The following KLHL32 variants were observed in gnomAD, a reference collection of about 807,000 sequenced individuals.
KLHL32 encodes kelch like family member 32.
Under a neutral mutation model 64.8 loss-of-function variants are expected in KLHL32, and 35 were observed. The ratio of observed to expected loss-of-function variants is 0.54; its 90% CI spans 0.41 to 0.72. The LOEUF is 0.72. KLHL32 is among the 30% of genes least tolerant of loss of function. The probability of loss-of-function intolerance (pLI) is 0.00; values close to 1 mark genes in which losing one functional copy is unlikely to be tolerated. For missense variants in KLHL32, 589 were observed against 768.5 expected (o/e 0.77, Z 2.76); for synonymous variants, 259 against 281.0 (o/e 0.92, Z 0.78).
At chr6:96,926,270 C>T (rs1160380334) in intron 1 of KLHL32, among the ~76,000 whole-genome samples, 1 of 152,142 alleles carries the variant, frequency 6.6e-6, no homozygotes, top group East Asian at 1.9e-4. Flanking sequence ...TCAAATTCTT[C>T]TAATTTAGAT....
rs1799577466 is a variant in KLHL32 at position 97,132,758 on chromosome 6, G to GA, written c.1701+13dup. 3.8e-6 allele frequency: 6 copies of GA among 1,585,360 alleles called. No individual in the cohort carries two copies. In the South Asian group the frequency reaches 6.9e-5, roughly 18 times the overall value. On this transcript the variant is annotated intron_variant, in intron 10 of 10. Coordinates refer to ENST00000369261, the MANE Select transcript of KLHL32 (RefSeq NM_052904.4). ...CTGGCTTGTATCCAGGTGAGTGGTA[G>GA]AAGTTCCTTTTGAAGTTTGTTCAAG...
At chr6:96,929,781 G>A (rs900001175) in intron 1 of KLHL32, among the ~76,000 whole-genome samples, 11 of 151,978 alleles carry the variant, frequency 7.2e-5, no homozygotes, top group Non-Finnish European at 1.6e-4. Context: ...ATTTTTAAAC[G>A]AACTATGTAG....
the KLHL32 span, among the ~76,000 whole-genome samples, chr6:96,904,339 C>CAAAAAAAAAAAAAAAAAAAAAAA: frequency 2.8e-5 from 3 of 106,072 alleles, no homozygotes; most frequent in South Asian, 3.2e-4. Flanking sequence ...AAGACTTTGT[C>CAAAAAAAAAAAAAAAAAAAAAAA]AAAAAAAAAA....
In KLHL32 at chr6:97,139,383, G is replaced by A; in HGVS notation, c.*101G>A. 9.5e-7 allele frequency: 1 copy of A among 1,048,096 alleles called. No homozygotes were observed. Among genetic ancestry groups the A allele is most frequent in the Non-Finnish European group, 1.4e-6 (1 of 724,950 alleles). The allele number at this position is 1,048,096 out of a possible 1,614,324, so 64.9% of individuals were successfully genotyped here. ...CCATGCTTCCTTGTCTTGCTTTATA[G>A]GTCTTATATTCGGATAAATTTAAGC... is the stretch of plus-strand genomic sequence containing the variant. On this transcript the variant is annotated 3_prime_UTR_variant, in exon 11 of 11. Coordinates refer to ENST00000369261, the MANE Select transcript of KLHL32 (RefSeq NM_052904.4).
intron 1 of KLHL32, among the ~76,000 whole-genome samples, chr6:96,955,086 T>C (rs1773099787): frequency 6.6e-6 from 1 of 152,190 alleles, no homozygotes; most frequent in Non-Finnish European, 1.5e-5. Context: ...TCTCTTCTTA[T>C]AATAGCATTG....
chr6:97,110,240 G>A (rs1796940258), intron 6 of KLHL32, among the ~76,000 whole-genome samples: 1 of 152,038 alleles, frequency 6.6e-6, no homozygotes, highest in African/African-American at 2.4e-5. Context: ...TTGTCAGGTT[G>A]GTATCTTATT....
intron 6 of KLHL32, among the ~76,000 whole-genome samples, chr6:97,087,887 C>T (rs1356305839): frequency 6.6e-6 from 1 of 152,194 alleles, no homozygotes; most frequent in Non-Finnish European, 1.5e-5. Context: ...CTGTTCCTTA[C>T]CCAAGCCCTT....
At chr6:96,907,153 A>C in the KLHL32 span, among the ~76,000 whole-genome samples, 1 of 152,240 alleles carries the variant, frequency 6.6e-6, no homozygotes, top group Non-Finnish European at 1.5e-5. Flanking sequence ...ATCTAATGGT[A>C]GTCTTCTAAA....
In KLHL32 at chr6:96,976,243, T is replaced by A. The variant is rs570231793; in HGVS notation, c.204+66T>A. On this transcript the variant is annotated intron_variant, in intron 3 of 10. Coordinates refer to ENST00000369261, the MANE Select transcript of KLHL32 (RefSeq NM_052904.4). Reference sequence around the variant, plus strand: ...GAGAGGATGACAATGTTTCCCAAACTGTCACTAAACCAGGAGCCAATTAGG... The same window carrying A: ...GAGAGGATGACAATGTTTCCCAAACAGTCACTAAACCAGGAGCCAATTAGG... The A allele has an allele frequency of 4.9e-6, 7 of 1,422,498 alleles. No individual in the cohort carries two copies. In the South Asian group the frequency reaches 9.8e-5, roughly 20 times the overall value. 88.1% of individuals were successfully genotyped at this position (1,422,498 alleles called of 1,614,324 possible).
At chr6:97,103,550 T>A (rs944866181) in intron 6 of KLHL32, among the ~76,000 whole-genome samples, 4 of 152,204 alleles carry the variant, frequency 2.6e-5, no homozygotes, top group African/African-American at 9.6e-5. Context: ...CTTGAAGCAG[T>A]CACCTTAATA....
intron 6 of KLHL32, among the ~76,000 whole-genome samples, chr6:97,104,631 C>A (rs1173002814): frequency 6.6e-6 from 1 of 152,072 alleles, no homozygotes; most frequent in Non-Finnish European, 1.5e-5. Context: ...AAAAAATAGC[C>A]TATGTGTCTT....
chr6:97,088,075 T>G (rs1793692395), intron 6 of KLHL32, among the ~76,000 whole-genome samples: 1 of 152,204 alleles, frequency 6.6e-6, no homozygotes, highest in Admixed American at 6.5e-5. Flanking sequence ...AGACAAATTT[T>G]CATCCCTTCC....
chr6:96,930,427 A>G, intron 1 of KLHL32, among the ~76,000 whole-genome samples: 1 of 152,124 alleles, frequency 6.6e-6, no homozygotes, highest in East Asian at 1.9e-4. Flanking sequence ...CATTTTCCTC[A>G]TCTGTAAAAT....
intron 3 of KLHL32, among the ~76,000 whole-genome samples, chr6:96,988,744 C>T (rs997520990): frequency 1.3e-5 from 2 of 152,164 alleles, no homozygotes; most frequent in African/African-American, 4.8e-5. Flanking sequence ...GAAAATGTGG[C>T]ACATATACAC....
chr6:97,029,474 G>A (rs1285046952), intron 3 of KLHL32, among the ~76,000 whole-genome samples: 1 of 150,798 alleles, frequency 6.6e-6, no homozygotes, highest in East Asian at 2.0e-4. Flanking sequence ...TATATTTACA[G>A]TAATATAATT....
At chr6:96,936,239 A>G (rs187711548) in intron 1 of KLHL32, among the ~76,000 whole-genome samples, 41 of 152,360 alleles carry the variant, frequency 2.7e-4, no homozygotes. Flanking sequence ...TTAAATAGAC[A>G]TGTCTACATT....
At chr6:96,927,207 G>GT (rs1554200452) in intron 1 of KLHL32, among the ~76,000 whole-genome samples, 1 of 151,986 alleles carries the variant, frequency 6.6e-6, no homozygotes, top group African/African-American at 2.4e-5. Context: ...CTGGCTTAAT[G>GT]TTTTTTTTCT....
the KLHL32 span, among the ~76,000 whole-genome samples, chr6:96,917,624 A>G: frequency 4.6e-5 from 7 of 152,192 alleles, no homozygotes; most frequent in East Asian, 1.3e-3. Context: ...GGGTCTCAGC[A>G]GGAACTTCAA....
chr6:96,920,064 G>GA (rs1768701730), upstream of KLHL32, among the ~76,000 whole-genome samples: 1 of 152,258 alleles, frequency 6.6e-6, no homozygotes, highest in South Asian at 2.1e-4. Context: ...GAGTTTCAGG[G>GA]AAAAAAACCC....
Sources: gnomAD v4.1 joint callset for allele counts (sites outside exome capture counted in the v4.1 genomes callset) on GRCh38, gnomAD v4.1.1 for gene constraint, MANE v1.5 for transcripts, NCBI Gene and HGNC (gene_info 2026-07-23, HGNC 2026-07-21) for gene names.